RIC8B: variants seen among roughly 807,000 people sequenced by gnomAD.
RIC8B encodes RIC8 guanine nucleotide exchange factor B, also known as chaperone Ric-8B.
Under a neutral mutation model 57.5 loss-of-function variants are expected in RIC8B, and 16 were observed. That is an observed-to-expected ratio of 0.28 (90% CI 0.19 to 0.42). The LOEUF (loss-of-function observed/expected upper bound fraction) is 0.42, where lower values mean the gene tolerates loss of function less well. Among genes scored for constraint, RIC8B ranks in the 10% least tolerant of loss-of-function variants. RIC8B has a pLI of 1.00. For synonymous variants in RIC8B, 216 were observed against 250.8 expected (o/e 0.86, Z 1.31); for missense variants, 481 against 677.0 (o/e 0.71, Z 3.21).
chr12:106,798,659 T>C (rs1302842905), intron 2 of RIC8B, among the ~76,000 whole-genome samples: 3 of 152,168 alleles, frequency 2.0e-5, no homozygotes, highest in South Asian at 2.1e-4. Flanking sequence ...CTGTTACTTA[T>C]ATGAACTCTA....
intron 3 of RIC8B, among the ~76,000 whole-genome samples, chr12:106,818,243 T>C (rs1295962782): frequency 6.6e-6 from 1 of 151,932 alleles, no homozygotes; most frequent in African/African-American, 2.4e-5. Flanking sequence ...CTTAGCTCAC[T>C]GCAACCTCTG....
chr12:106,843,711 G>A, intron 5 of RIC8B, 141 bp from the exon 6 acceptor site: 1 of 538,758 alleles, frequency 1.9e-6, no homozygotes, highest in South Asian at 2.4e-5. Flanking sequence ...AACAGAGGGA[G>A]ACTCCCTCTC....
intron 2 of RIC8B, among the ~76,000 whole-genome samples, chr12:106,811,493 G>A (rs1593171383): frequency 6.6e-6 from 1 of 152,324 alleles, no homozygotes; most frequent in Non-Finnish European, 1.5e-5. Flanking sequence ...GATGCATGAT[G>A]AAGTTTGAGA....
At chr12:106,868,617 G>A (rs1158350004) in intron 8 of RIC8B, among the ~76,000 whole-genome samples, 4 of 152,018 alleles carry the variant, frequency 2.6e-5, no homozygotes, top group Non-Finnish European at 5.9e-5. Context: ...CCTTGTCTGG[G>A]TCTTCTTTGT....
In RIC8B at chr12:106,887,612, GTTT is replaced by G. The variant is rs1951234751; in HGVS notation, c.*1599_*1601del. ...TGAAATTTGCATACGCTTCCAACAT[GTTT>G]TATTAGCTGGCTTTGAAGCTCACAA... On this transcript the variant is annotated 3_prime_UTR_variant, in exon 10 of 10. Coordinates refer to ENST00000392837, the MANE Select transcript of RIC8B (RefSeq NM_001330145.2). 1 of 152,148 alleles carries G rather than the reference GTTT, an allele frequency of 6.6e-6. No individual in the cohort carries two copies. Among genetic ancestry groups the G allele is most frequent in the African/African-American group, 2.4e-5 (1 of 41,436 alleles). The allele number at this position is 152,148 out of a possible 1,614,324, so 9.4% of individuals were successfully genotyped here.
chr12:106,874,430 G>T (rs779758366), intron 9 of RIC8B: 5 of 1,350,420 alleles, frequency 3.7e-6, no homozygotes. Flanking sequence ...AGGGTTGGAG[G>T]TGATGTGGCC....
intron 7 of RIC8B, among the ~76,000 whole-genome samples, chr12:106,853,217 ATAAT>A (rs1259512274): frequency 6.6e-6 from 1 of 151,864 alleles, no homozygotes; most frequent in Non-Finnish European, 1.5e-5. Context: ...ATCTAAATAA[ATAAT>A]TACATATCTA....
At chr12:106,818,057 T>C (rs1007994536) in intron 3 of RIC8B, among the ~76,000 whole-genome samples, 1 of 152,234 alleles carries the variant, frequency 6.6e-6, no homozygotes, top group African/African-American at 2.4e-5. Context: ...AAACATTTTT[T>C]TCCTTTTTAT....
At chr12:106,843,969 CA>C in intron 6 of RIC8B, 22 bp downstream of exon 6, 2 of 1,481,504 alleles carry the variant, frequency 1.3e-6, no homozygotes, top group Non-Finnish European at 1.9e-6. Flanking sequence ...ATGCATATTA[CA>C]TTGCAAAGTT....
At chr12:106,797,190 A>G (rs988846790) in intron 2 of RIC8B, among the ~76,000 whole-genome samples, 2 of 152,228 alleles carry the variant, frequency 1.3e-5, no homozygotes, top group African/African-American at 2.4e-5. Flanking sequence ...ATACATATCC[A>G]CATGAAAACT....
chr12:106,834,799 C>T (rs901758736), intron 4 of RIC8B, among the ~76,000 whole-genome samples: 1 of 151,646 alleles, frequency 6.6e-6, no homozygotes, highest in Non-Finnish European at 1.5e-5. Context: ...CTGGCTAACA[C>T]GGTGAAACCC....
At chr12:106,883,130 T>G (rs1951027354) in intron 9 of RIC8B, among the ~76,000 whole-genome samples, 1 of 152,112 alleles carries the variant, frequency 6.6e-6, no homozygotes, top group African/African-American at 2.4e-5. Flanking sequence ...AGTGATGGTA[T>G]ATCCACCCAG....
At chr12:106,780,016 C>T (rs752477068) in intron 1 of RIC8B, among the ~76,000 whole-genome samples, 26 of 151,692 alleles carry the variant, frequency 1.7e-4, no homozygotes, top group Non-Finnish European at 2.8e-4. Context: ...GCCCTCAGGA[C>T]TTCTCTAATA....
At chr12:106,776,755 C>T (rs1406826313) in intron 1 of RIC8B, among the ~76,000 whole-genome samples, 1 of 152,166 alleles carries the variant, frequency 6.6e-6, no homozygotes, top group Non-Finnish European at 1.5e-5. Flanking sequence ...GTGTGTCTTG[C>T]TTAAGGTGGT....
chr12:106,836,002 C>T (rs2046582198), intron 4 of RIC8B, among the ~76,000 whole-genome samples: 1 of 152,200 alleles, frequency 6.6e-6, no homozygotes, highest in African/African-American at 2.4e-5. Context: ...ATCCAGTTCA[C>T]CGAGGCTTTT....
intron 4 of RIC8B, among the ~76,000 whole-genome samples, chr12:106,834,882 G>T (rs1453215083): frequency 6.6e-6 from 1 of 150,616 alleles, no homozygotes; most frequent in Non-Finnish European, 1.5e-5. Context: ...TACTTGGGAG[G>T]CTGAGGCAGG....
intron 9 of RIC8B, among the ~76,000 whole-genome samples, chr12:106,875,936 C>T (rs1950642613): frequency 6.7e-6 from 1 of 149,640 alleles, no homozygotes; most frequent in African/African-American, 2.4e-5. Flanking sequence ...TGAAAAATAA[C>T]AAATACATAG....
At chr12:106,819,108 C>T (rs975740805) in intron 3 of RIC8B, among the ~76,000 whole-genome samples, 7 of 152,018 alleles carry the variant, frequency 4.6e-5, no homozygotes, top group African/African-American at 1.2e-4. Context: ...AATATATAAA[C>T]GAATATATAT....
chr12:106,877,653 C>G (rs1421075771), intron 9 of RIC8B, among the ~76,000 whole-genome samples: 1 of 152,136 alleles, frequency 6.6e-6, no homozygotes, highest in Non-Finnish European at 1.5e-5. Context: ...TATGGCTCTT[C>G]TGACAAATTT....
Sources: gnomAD v4.1 joint callset for allele counts (sites outside exome capture counted in the v4.1 genomes callset) on GRCh38, gnomAD v4.1.1 for gene constraint, MANE v1.5 for transcripts, NCBI Gene and HGNC (gene_info 2026-07-23, HGNC 2026-07-21) for gene names.